PRKCI: variants seen among roughly 807,000 people sequenced by gnomAD.
The protein encoded by PRKCI is protein kinase C iota.
A neutral mutation model predicts 84.0 loss-of-function variants in PRKCI; 43 were observed. That is an observed-to-expected ratio of 0.51 (90% CI 0.40 to 0.66). The LOEUF (loss-of-function observed/expected upper bound fraction) is 0.66, where lower values mean the gene tolerates loss of function less well. PRKCI is among the 30% of genes least tolerant of loss of function. The pLI, the probability that PRKCI is intolerant of heterozygous loss-of-function variation, is 0.00. For missense variants in PRKCI, 459 were observed against 745.6 expected (o/e 0.62, Z 4.48); for synonymous variants, 216 against 234.4 (o/e 0.92, Z 0.72).
intron 1 of PRKCI, among the ~76,000 whole-genome samples, chr3:170,231,564 A>G (rs898883099): frequency 6.6e-6 from 1 of 151,976 alleles, no homozygotes; most frequent in African/African-American, 2.4e-5. Flanking sequence ...TCCCAAGTTC[A>G]AGTGATTCTC....
intron 12 of PRKCI, among the ~76,000 whole-genome samples, chr3:170,285,961 A>C (rs1364936236): frequency 1.6e-5 from 2 of 124,334 alleles, no homozygotes; most frequent in African/African-American, 3.1e-5. Context: ...TTTTGCTCTT[A>C]TTGCCCAGGC....
At chr3:170,269,949 ACT>A (rs1340653931) in intron 5 of PRKCI, among the ~76,000 whole-genome samples, 2 of 151,030 alleles carry the variant, frequency 1.3e-5, no homozygotes, top group Non-Finnish European at 3.0e-5. Context: ...CAAGAGTGAA[ACT>A]CTGTCTCAAA....
chr3:170,240,571 T>G (rs1001260942), intron 2 of PRKCI, among the ~76,000 whole-genome samples: 11 of 152,182 alleles, frequency 7.2e-5, no homozygotes, highest in African/African-American at 2.2e-4. Flanking sequence ...GAGCCAACAG[T>G]AATTATTTTT....
In PRKCI at chr3:170,263,561, G is replaced by C; in HGVS notation, c.364+132G>C. On this transcript the variant is annotated intron_variant, in intron 4 of 17. Transcript: ENST00000295797. ...TAATGCCTGTAATCCCAGCACTGTG[G>C]GAAGCTGAGGTGGGAGGATCGCTTA... 3 of 661,152 alleles carry C rather than the reference G, an allele frequency of 4.5e-6. No individual in the cohort carries two copies. The East Asian group carries it at 9.1e-5, about 20-fold the overall frequency. 41.0% of individuals were successfully genotyped at this position (661,152 alleles called of 1,614,324 possible). A position where few individuals can be genotyped will look rare whatever the true frequency, so the allele number is the denominator to read the frequency against.
In PRKCI at chr3:170,293,417, C is replaced by T; in HGVS notation, c.1326C>T (p.Leu442=). 6.2e-6 allele frequency: 10 copies of T among 1,613,390 alleles called. No homozygotes were observed. Among genetic ancestry groups the T allele is most frequent in the Non-Finnish European group, 8.5e-6 (10 of 1,179,632 alleles). The change falls in exon 14 of 18, where the codon CTC becomes CTT. Residue 442 remains leucine, a synonymous_variant. Transcript: ENST00000295797. ...TTGACTGGTGGGCTCTTGGAGTGCTCATGTTTGAGATGATGGCAGGAAGGT... is the reference window on the plus strand; with the variant it reads ...TTGACTGGTGGGCTCTTGGAGTGCTTATGTTTGAGATGATGGCAGGAAGGT... ...FSVDWWALGV[L]MFEMMAGRSP... is the part of the protein sequence containing the mutation.
chr3:170,263,471 T>G, intron 4 of PRKCI, 42 bp downstream of exon 4: 2 of 1,484,928 alleles, frequency 1.3e-6, no homozygotes, highest in South Asian at 2.3e-5. Flanking sequence ...AGAGTTACTA[T>G]GCTATGGTAC....
chr3:170,222,685 G>A lies in PRKCI; in HGVS notation c.16G>A (p.Asp6Asn), dbSNP rs1444111261. MPTQR[D>N]SSTMSHTVAG... Reference sequence around the variant, plus strand: ...GAGTGAGGAGATGCCGACCCAGAGGGACAGCAGCACCATGTCCCACACGGT... The same window carrying A: ...GAGTGAGGAGATGCCGACCCAGAGGAACAGCAGCACCATGTCCCACACGGT... Residue 6 changes from aspartate (D) to asparagine (N), a missense_variant, in exon 1 of 18, where the codon GAC becomes AAC. Asp to Asn is a conservative substitution (Grantham distance 23). This residue lies in a region of PRKCI where 250 missense variants were observed against 319.7 expected (regional missense o/e 0.78). Coordinates refer to ENST00000295797, the MANE Select transcript of PRKCI (RefSeq NM_002740.6). 2 of 1,602,152 alleles carry A rather than the reference G, an allele frequency of 1.2e-6. No individual in the cohort carries two copies. The highest frequency in any genetic ancestry group is 1.3e-5 in the African/African-American group (1 of 74,618).
At chr3:170,250,212 G>T (rs1423963257) in intron 2 of PRKCI, among the ~76,000 whole-genome samples, 1 of 151,118 alleles carries the variant, frequency 6.6e-6, no homozygotes, top group Non-Finnish European at 1.5e-5. Context: ...GCTGGAGGTT[G>T]CAGTGAGCCG....
chr3:170,239,628 G>A (rs1409050345), intron 2 of PRKCI, among the ~76,000 whole-genome samples: 1 of 152,066 alleles, frequency 6.6e-6, no homozygotes, highest in Non-Finnish European at 1.5e-5. Flanking sequence ...ATTGTCACCT[G>A]GCTGTCTCTC....
In PRKCI at chr3:170,235,293, A is replaced by C; in HGVS notation, c.165A>C (p.Arg55=). The C allele has an allele frequency of 6.2e-7, 1 of 1,614,112 alleles. No homozygotes were observed. Among genetic ancestry groups the C allele is most frequent in the Non-Finnish European group, 8.5e-7 (1 of 1,179,998 alleles). ...ISFEGLCNEV[R]DMCSFDNEQL... is the part of the protein sequence containing the mutation. ...TTGAGGGCCTTTGCAATGAGGTTCG[A>C]GACATGTGTTCTTTTGACAACGAAC... is the stretch of plus-strand genomic sequence containing the variant. The change falls in exon 2 of 18, where the codon CGA becomes CGC. Residue 55 remains arginine, a synonymous_variant. Coordinates refer to ENST00000295797, the MANE Select transcript of PRKCI (RefSeq NM_002740.6).
At position 170,280,740 on chromosome 3, in the gene PRKCI, G is replaced by A. The variant is rs966719699; in HGVS notation, c.882+337G>A. Among the ~76,000 whole-genome samples the A allele has an allele frequency of 5.9e-5, 9 of 151,982 alleles. No homozygotes were observed. In the East Asian group the frequency reaches 1.2e-3, roughly 20 times the overall value. ...GCTAGGAATATAGGCGTGAGCCACC[G>A]CACCCAGCCAAGAGTACTATTTTAA... On this transcript the variant is annotated intron_variant, in intron 9 of 17. Transcript: ENST00000295797.
chr3:170,241,092 G>A (rs1030193469), intron 2 of PRKCI, among the ~76,000 whole-genome samples: 2 of 151,842 alleles, frequency 1.3e-5, no homozygotes, highest in Admixed American at 1.3e-4. Context: ...TATGTTCGTG[G>A]GATACAGTGT....
At chr3:170,273,795 A>G (rs929434385) in intron 7 of PRKCI, among the ~76,000 whole-genome samples, 3 of 148,222 alleles carry the variant, frequency 2.0e-5, no homozygotes, top group Non-Finnish European at 4.5e-5. Context: ...AGCCTGGGTG[A>G]CAGAACAAGA....
rs144083191 is a variant in PRKCI, at chr3:170,228,342, G to A, written c.101+5572G>A. On this transcript the variant is annotated intron_variant, in intron 1 of 17. Transcript: ENST00000295797. ...AGGCTGGGTATGGTGGTTCATGCCT[G>A]TAATCCCAGCACTTTGGGAGGTCAG... Among the ~76,000 whole-genome samples, 1,208 of 152,284 alleles carry A rather than the reference G, an allele frequency of 7.9e-3. 11 individuals are homozygous for A. Among genetic ancestry groups the A allele is most frequent in the African/African-American group, 0.028 (1,156 of 41,554 alleles).
intron 1 of PRKCI, among the ~76,000 whole-genome samples, chr3:170,223,171 A>G (rs1732538900): frequency 6.6e-6 from 1 of 152,188 alleles, no homozygotes; most frequent in African/African-American, 2.4e-5. Flanking sequence ...CTGTGGGGAT[A>G]GAAAACGGGA....
intron 2 of PRKCI, among the ~76,000 whole-genome samples, chr3:170,257,534 T>C (rs1297858081): frequency 6.6e-6 from 1 of 152,068 alleles, no homozygotes; most frequent in Non-Finnish European, 1.5e-5. Flanking sequence ...AAGTATGAAG[T>C]GAAAAAAAAC....
At chr3:170,242,200 C>G (rs1444308831) in intron 2 of PRKCI, among the ~76,000 whole-genome samples, 1 of 152,150 alleles carries the variant, frequency 6.6e-6, no homozygotes, top group African/African-American at 2.4e-5. Flanking sequence ...TTGAATTCAA[C>G]CAACTCTTTG....
chr3:170,223,849 T>C (rs1052148027), intron 1 of PRKCI, among the ~76,000 whole-genome samples: 2 of 152,158 alleles, frequency 1.3e-5, no homozygotes, highest in Non-Finnish European at 2.9e-5. Flanking sequence ...ACTCTCAAAC[T>C]ACCTCTCTTG....
intron 1 of PRKCI, among the ~76,000 whole-genome samples, chr3:170,231,187 C>T (rs1195378723): frequency 6.6e-6 from 1 of 151,844 alleles, no homozygotes; most frequent in Non-Finnish European, 1.5e-5. Flanking sequence ...TCTGGAACTC[C>T]TTACCTCAGG....
Sources: gnomAD v4.1 joint callset for allele counts (sites outside exome capture counted in the v4.1 genomes callset) on GRCh38, gnomAD v4.1.1 for gene constraint, gnomAD v4.1.1 regional missense constraint, MANE v1.5 for transcripts, NCBI Gene and HGNC (gene_info 2026-07-23, HGNC 2026-07-21) for gene names.